Variants in TMC8 observed in about 807,000 individuals in gnomAD.
TMC8 encodes transmembrane channel-like protein 8.
TMC8 carries 71 observed loss-of-function variants against 76.0 expected under a neutral mutation model. That is an observed-to-expected ratio of 0.93 (90% CI 0.77 to 1.14). The LOEUF is 1.14. Among genes scored for constraint, TMC8 ranks in the 50% most tolerant of loss-of-function variants. TMC8 has a pLI of 0.00. For missense variants in TMC8, 924 were observed against 947.9 expected (o/e 0.97, Z 0.33); for synonymous variants, 433 against 433.8 (o/e 1.00, Z 0.02).
chr17:78,137,629 G>A, intron 10 of TMC8, 88 bp from the exon 11 acceptor site: 1 of 1,276,630 alleles, frequency 7.8e-7, no homozygotes, highest in Non-Finnish European at 1.1e-6. Flanking sequence ...CAAGGCACCT[G>A]CACCACAGAA....
At chr17:78,136,296 T>G (rs2075227395) in intron 9 of TMC8, among the ~76,000 whole-genome samples, 1 of 151,960 alleles carries the variant, frequency 6.6e-6, no homozygotes, top group African/African-American at 2.4e-5. Flanking sequence ...AGACCCCGTC[T>G]CTACAAAAAA....
intron 3 of TMC8, 44 bp from the exon 4 acceptor site, chr17:78,132,315 C>T (rs770025780): frequency 4.4e-6 from 7 of 1,607,938 alleles, no homozygotes; most frequent in Non-Finnish European, 4.2e-6. Flanking sequence ...GCGGCCCCAG[C>T]CCCGGCCCCG....
At position 78,142,725 on chromosome 17, in the gene TMC8, A is replaced by G. The variant is rs1252002275; in HGVS notation, c.*1613A>G. On this transcript the variant is annotated 3_prime_UTR_variant, in exon 16 of 16. Coordinates refer to ENST00000318430, the MANE Select transcript of TMC8 (RefSeq NM_152468.5). ...TGGCCCCTGGACCAGTGGCCTCAGC[A>G]TCACCTGGGAAAAGGTTAGAAATGA... 6.6e-6 allele frequency: 1 copy of G among 152,228 alleles called. No homozygotes were observed. Among genetic ancestry groups the G allele is most frequent in the African/African-American group, 2.4e-5 (1 of 41,446 alleles). 9.4% of individuals were successfully genotyped at this position (152,228 alleles called of 1,614,324 possible).
chr17:78,132,775 T>C lies in TMC8; in HGVS notation c.449-13T>C. Reference sequence around the variant, plus strand: ...GGGGATCCCTCTCTATTGACCCCCTTCCTCCTCAACAGCCCTCCAGTGCCC... The same window carrying C: ...GGGGATCCCTCTCTATTGACCCCCTCCCTCCTCAACAGCCCTCCAGTGCCC... On this transcript the variant is annotated splice_polypyrimidine_tract_variant and intron_variant, in intron 4 of 15. Coordinates refer to ENST00000318430, the MANE Select transcript of TMC8 (RefSeq NM_152468.5). 6.2e-7 allele frequency: 1 copy of C among 1,614,078 alleles called. No homozygotes were observed. The highest frequency in any genetic ancestry group is 8.5e-7 in the Non-Finnish European group (1 of 1,179,936).
chr17:78,139,090 G>A (rs1035168543), intron 14 of TMC8, 72 bp from the exon 15 acceptor site: 36 of 1,596,906 alleles, frequency 2.3e-5, no homozygotes, highest in Non-Finnish European at 3.1e-5. Context: ...ATTGAGGTGG[G>A]GAGAGAGGAA....
intron 6 of TMC8, 116 bp from the exon 7 acceptor site, chr17:78,133,737 A>T: frequency 1.3e-6 from 2 of 1,559,324 alleles, no homozygotes; most frequent in African/African-American, 1.4e-5. Flanking sequence ...CTCCTCACTC[A>T]CCAGGACCTG....
intron 15 of TMC8, among the ~76,000 whole-genome samples, chr17:78,140,324 C>T: frequency 7.5e-6 from 1 of 133,950 alleles, no homozygotes; most frequent in East Asian, 2.1e-4. Context: ...ACCCAGTTTC[C>T]ACAAAAAAAA....
intron 3 of TMC8, 103 bp downstream of exon 3, chr17:78,132,133 C>G (rs1451375208): frequency 3.3e-6 from 5 of 1,510,220 alleles, no homozygotes; most frequent in Non-Finnish European, 3.6e-6. Context: ...TCACCCGGGT[C>G]CCCCGACCAA....
chr17:78,132,150 C>T, intron 3 of TMC8, 120 bp downstream of exon 3: 1 of 1,462,110 alleles, frequency 6.8e-7, no homozygotes, highest in Non-Finnish European at 9.2e-7. Flanking sequence ...CCAATCGGCC[C>T]CTCCCCCCTC....
chr17:78,132,482 CT>C lies in TMC8; in HGVS notation c.423del (p.Asp142ThrfsTer6), dbSNP rs771079712. 5 of 1,611,284 alleles carry C rather than the reference CT, an allele frequency of 3.1e-6. No homozygotes were observed. The highest frequency in any genetic ancestry group is 4.5e-5 in the East Asian group (2 of 44,824). On this transcript the variant is annotated frameshift_variant, in exon 4 of 16. Coordinates refer to ENST00000318430, the MANE Select transcript of TMC8 (RefSeq NM_152468.5). LOFTEE classifies it high-confidence loss of function. ...VLLPLVWLRP[P>X]DPGPTLNLTL... ...CTGCCCCTGGTCTGGCTCCGCCCCC[CT>C]GACCCAGGCCCCACCCTGAACTTGA...
In TMC8 at chr17:78,137,412, C is replaced by T. The variant is rs73999645; in HGVS notation, c.1251+54C>T. 2.0e-3 allele frequency: 3,201 copies of T among 1,612,374 alleles called. 44 individuals carry two copies. The African/African-American group carries it at 0.037, about 18-fold the overall frequency. Reference sequence around the variant, plus strand: ...CTCCCTTCCTTCTCCCCAAAAAGCTCACCTCAAACTGTGCAGAGCCCTGTT... The same window carrying T: ...CTCCCTTCCTTCTCCCCAAAAAGCTTACCTCAAACTGTGCAGAGCCCTGTT... On this transcript the variant is annotated intron_variant, in intron 10 of 15. Coordinates refer to ENST00000318430, the MANE Select transcript of TMC8 (RefSeq NM_152468.5).
At chr17:78,132,647 G>A (rs925770491) in intron 4 of TMC8, 139 bp downstream of exon 4, 29 of 1,489,200 alleles carry the variant, frequency 1.9e-5, no homozygotes, top group Non-Finnish European at 2.4e-5. Flanking sequence ...CCCTGACCTC[G>A]CCTTGTGTGG....
At chr17:78,132,311 C>G in intron 3 of TMC8, 48 bp from the exon 4 acceptor site, 1 of 1,607,726 alleles carries the variant, frequency 6.2e-7, no homozygotes, top group Non-Finnish European at 8.5e-7. Context: ...CAGCGCGGCC[C>G]CAGCCCCGGC....
rs1293944791 is a variant in TMC8 at position 78,138,162 on chromosome 17, C to G, written c.1507C>G (p.Leu503Val). Reference protein sequence around the residue: ...PLLPLLNSVFLFLTFYIKKYT... With the variant: ...PLLPLLNSVFVFLTFYIKKYT... ...GCTGCCCCTGCTGAATAGCGTCTTC[C>G]TCTTCCTCACCTTCTACATCAAGAA... The change falls in exon 12 of 16, where the codon CTC becomes GTC. Residue 503 changes from leucine (L) to valine (V), a missense_variant. Coordinates refer to ENST00000318430, the MANE Select transcript of TMC8 (RefSeq NM_152468.5). The G allele has an allele frequency of 1.2e-6, 2 of 1,613,892 alleles. No individual in the cohort carries two copies. Among genetic ancestry groups the G allele is most frequent in the African/African-American group, 2.7e-5 (2 of 75,010 alleles).
At chr17:78,133,781 A>T in intron 6 of TMC8, 72 bp from the exon 7 acceptor site, 2 of 1,607,946 alleles carry the variant, frequency 1.2e-6, no homozygotes, top group Non-Finnish European at 1.7e-6. Flanking sequence ...CCAGACCCAG[A>T]GCCGAGCCAA....
chr17:78,139,019 G>T, intron 14 of TMC8, 143 bp from the exon 15 acceptor site: 1 of 1,574,538 alleles, frequency 6.4e-7, no homozygotes, highest in South Asian at 1.1e-5. Context: ...AGGAGAGGAG[G>T]GTCCCATCCT....
chr17:78,133,827 G>A (rs550418372), intron 6 of TMC8, 26 bp from the exon 7 acceptor site: 2 of 1,612,592 alleles, frequency 1.2e-6, no homozygotes, highest in Admixed American at 3.3e-5. Context: ...CCCTCCTCCA[G>A]CAGCCCCTGG....
chr17:78,132,561 G>T, intron 4 of TMC8, 53 bp downstream of exon 4: 1 of 1,579,026 alleles, frequency 6.3e-7, no homozygotes, highest in Non-Finnish European at 8.6e-7. Context: ...TGCGCCATGG[G>T]GGGGCTGGCC....
chr17:78,138,714 C>T lies in TMC8; in HGVS notation c.1805C>T (p.Pro602Leu), dbSNP rs1269207556. The T allele has an allele frequency of 2.5e-6, 4 of 1,609,752 alleles. No individual in the cohort carries two copies. The highest frequency in any genetic ancestry group is 3.4e-6 in the Non-Finnish European group (4 of 1,179,980). ...HYLGSHAFSFPLLIMLSLVLT... is the reference protein window; with the variant it reads ...HYLGSHAFSFLLLIMLSLVLT... ...CTGGGCTCCCACGCCTTCAGCTTCC[C>T]CCTCCTCATCATGCTCAGGTTCTCA... The change falls in exon 14 of 16, where the codon CCC becomes CTC. Residue 602 changes from proline to leucine, a missense_variant. Physicochemically the swap from Pro to Leu is moderately conservative, Grantham distance 98 (BLOSUM62 -3). Coordinates refer to ENST00000318430, the MANE Select transcript of TMC8 (RefSeq NM_152468.5).
Sources: allele counts gnomAD v4.1 joint callset (sites outside exome capture counted in the v4.1 genomes callset), GRCh38; gene constraint gnomAD v4.1.1; transcripts MANE v1.5; gene names NCBI Gene and HGNC (gene_info 2026-07-23, HGNC 2026-07-21).